ST8SIA4: variants seen among roughly 807,000 people sequenced by gnomAD.
The protein encoded by ST8SIA4 is CMP-N-acetylneuraminate-poly-alpha-2,8-sialyltransferase.
Under a neutral mutation model 33.9 loss-of-function variants are expected in ST8SIA4, and 15 were observed. The observed-to-expected ratio is 0.44, with a 90% CI of 0.30 to 0.68. The LOEUF (loss-of-function observed/expected upper bound fraction) is 0.68. Ranked by LOEUF, ST8SIA4 falls within the 30% of genes least tolerant of loss-of-function variation. The pLI is 0.10. For missense variants in ST8SIA4, 321 were observed against 428.0 expected (o/e 0.75, Z 2.21); for synonymous variants, 171 against 151.2 (o/e 1.13, Z -0.96).
intron 1 of ST8SIA4, among the ~76,000 whole-genome samples, chr5:100,902,488 G>A (rs896558048): frequency 6.6e-5 from 10 of 152,172 alleles, no homozygotes; most frequent in Non-Finnish European, 1.3e-4. Flanking sequence ...ATTGAAAACA[G>A]GCAACCGTTT....
chr5:100,841,385 C>T (rs1188934541), intron 4 of ST8SIA4, among the ~76,000 whole-genome samples: 1 of 151,736 alleles, frequency 6.6e-6, no homozygotes, highest in Admixed American at 6.6e-5. Flanking sequence ...GGTCTGGAGG[C>T]AGGGAACATA....
chr5:100,880,189 G>A (rs1003943962), intron 3 of ST8SIA4, among the ~76,000 whole-genome samples: 23 of 151,812 alleles, frequency 1.5e-4, no homozygotes, highest in African/African-American at 5.3e-4. Flanking sequence ...ATATAAATAT[G>A]TCAGACTCTT....
chr5:100,849,165 G>GT (rs974076173), intron 4 of ST8SIA4: 8 of 984,956 alleles, frequency 8.1e-6, no homozygotes, highest in African/African-American at 1.7e-5. Flanking sequence ...AAGGACAAGA[G>GT]TTTTTTTGTG....
intron 3 of ST8SIA4, among the ~76,000 whole-genome samples, chr5:100,883,056 G>C (rs1451090109): frequency 6.6e-6 from 1 of 152,142 alleles, no homozygotes; most frequent in African/African-American, 2.4e-5. Flanking sequence ...CCATCCTTCA[G>C]ACCCCAGAAT....
At chr5:100,833,421 C>T (rs1322158994) in intron 4 of ST8SIA4, among the ~76,000 whole-genome samples, 1 of 152,008 alleles carries the variant, frequency 6.6e-6, no homozygotes, top group Non-Finnish European at 1.5e-5. Flanking sequence ...ATTAAATCTT[C>T]TGTGCATTTT....
chr5:100,839,757 A>G (rs906701437), intron 4 of ST8SIA4, among the ~76,000 whole-genome samples: 2 of 151,850 alleles, frequency 1.3e-5, no homozygotes, highest in Non-Finnish European at 2.9e-5. Context: ...AAATGATAAA[A>G]TGGCACAAAT....
At chr5:100,826,749 T>C (rs1751153244) in intron 4 of ST8SIA4, among the ~76,000 whole-genome samples, 1 of 152,254 alleles carries the variant, frequency 6.6e-6, no homozygotes, top group African/African-American at 2.4e-5. Flanking sequence ...CATTAGGTAA[T>C]ATATCATTTC....
chr5:100,856,904 G>A (rs1751826265), intron 3 of ST8SIA4, among the ~76,000 whole-genome samples: 1 of 152,170 alleles, frequency 6.6e-6, no homozygotes, highest in African/African-American at 2.4e-5. Context: ...TAGGGGAAAA[G>A]TGCAATTCCT....
At chr5:100,856,511 A>T (rs1172124365) in intron 3 of ST8SIA4, 115 bp from the exon 4 acceptor site, 2 of 980,274 alleles carry the variant, frequency 2.0e-6, no homozygotes, top group Non-Finnish European at 3.0e-6. Flanking sequence ...TGTGAAAAGA[A>T]AACCAAAAGA....
At chr5:100,823,280 T>C (rs758402330) in intron 4 of ST8SIA4, among the ~76,000 whole-genome samples, 6 of 152,200 alleles carry the variant, frequency 3.9e-5, no homozygotes, top group Non-Finnish European at 8.8e-5. Flanking sequence ...GAAGTTACCC[T>C]GTATGGTCTA....
At chr5:100,829,165 A>G (rs1751201855) in intron 4 of ST8SIA4, among the ~76,000 whole-genome samples, 2 of 152,168 alleles carry the variant, frequency 1.3e-5, no homozygotes, top group Non-Finnish European at 2.9e-5. Context: ...CTCTTGGGCT[A>G]ATTGCCAAGA....
At chr5:100,879,922 T>C (rs1021064213) in intron 3 of ST8SIA4, among the ~76,000 whole-genome samples, 2 of 152,158 alleles carry the variant, frequency 1.3e-5, no homozygotes, top group African/African-American at 4.8e-5. Flanking sequence ...GATGACTAGA[T>C]GAGCTGTAGT....
chr5:100,821,524 CTT>C (rs771284543), intron 4 of ST8SIA4, among the ~76,000 whole-genome samples: 147 of 152,124 alleles, frequency 9.7e-4, no homozygotes, highest in Non-Finnish European at 1.8e-3. Context: ...GATCTGGACT[CTT>C]TACAAATGGA....
At chr5:100,896,705 G>T (rs1024471646) in intron 1 of ST8SIA4, among the ~76,000 whole-genome samples, 1 of 152,016 alleles carries the variant, frequency 6.6e-6, no homozygotes. Flanking sequence ...TACAATTATT[G>T]TTTGGCAACT....
intron 4 of ST8SIA4, among the ~76,000 whole-genome samples, chr5:100,844,760 A>T (rs898044143): frequency 3.9e-5 from 6 of 152,002 alleles, no homozygotes; most frequent in Admixed American, 2.6e-4. Context: ...TAACTGAAAA[A>T]GATTGTTAAA....
intron 3 of ST8SIA4, among the ~76,000 whole-genome samples, chr5:100,875,337 C>A (rs2112461133): frequency 6.6e-6 from 1 of 152,124 alleles, no homozygotes; most frequent in South Asian, 2.1e-4. Flanking sequence ...TTAACGTGAC[C>A]AATGATATCT....
intron 4 of ST8SIA4, among the ~76,000 whole-genome samples, chr5:100,846,375 G>GA (rs565183439): frequency 5.5e-4 from 84 of 151,790 alleles, no homozygotes; most frequent in African/African-American, 1.8e-3. Context: ...AACCTCCACC[G>GA]TAACATATAC....
intron 3 of ST8SIA4, among the ~76,000 whole-genome samples, chr5:100,877,402 T>C (rs1752328581): frequency 1.3e-5 from 2 of 152,168 alleles, no homozygotes; most frequent in Admixed American, 6.6e-5. Flanking sequence ...AGGAGACACA[T>C]TGGCAATAAC....
rs1751565120 is a variant in ST8SIA4, at chr5:100,846,089, A to C, written c.797+10014T>G. Among the ~76,000 whole-genome samples, 2 of 152,024 alleles carry C rather than the reference A, an allele frequency of 1.3e-5. 1 individual carries two copies. Among genetic ancestry groups the C allele is most frequent in the African/African-American group, 4.8e-5 (2 of 41,426 alleles). On this transcript the variant is annotated intron_variant, in intron 4 of 4. Coordinates refer to ENST00000231461, the MANE Select transcript of ST8SIA4 (RefSeq NM_005668.6). ...GCACAAGTTGATACATAGTTTGATT[A>C]ATAATAAATTGCAGGAAAACAAACT... is the stretch of plus-strand genomic sequence containing the variant.
Sources: gnomAD v4.1 joint callset for allele counts (sites outside exome capture counted in the v4.1 genomes callset) on GRCh38, gnomAD v4.1.1 for gene constraint, MANE v1.5 for transcripts, NCBI Gene and HGNC (gene_info 2026-07-23, HGNC 2026-07-21) for gene names.